RSRC1: variants seen among roughly 807,000 people sequenced by gnomAD.
RSRC1 encodes serine/Arginine-related protein 53.
A neutral mutation model predicts 49.1 loss-of-function variants in RSRC1; 39 were observed. That is an observed-to-expected ratio of 0.79 (90% CI 0.61 to 1.04). The LOEUF (loss-of-function observed/expected upper bound fraction) is 1.04, where lower values mean the gene tolerates loss of function less well. Among genes scored for constraint, RSRC1 ranks in the 50% least tolerant of loss-of-function variants. RSRC1 has a pLI of 0.00. For missense variants in RSRC1, 388 were observed against 402.4 expected (o/e 0.96, Z 0.31); for synonymous variants, 143 against 130.8 (o/e 1.09, Z -0.63).
At chr3:158,333,310 T>A (rs1223342836) in intron 5 of RSRC1, among the ~76,000 whole-genome samples, 1 of 152,202 alleles carries the variant, frequency 6.6e-6, no homozygotes, top group Non-Finnish European at 1.5e-5. Context: ...AATTCTAGAA[T>A]GCAGTTCTTC....
chr3:158,229,326 A>ATATAT (rs1722792803), intron 4 of RSRC1, among the ~76,000 whole-genome samples: 1 of 63,088 alleles, frequency 1.6e-5, no homozygotes, highest in African/African-American at 5.1e-5. Context: ...AAACATACAC[A>ATATAT]GGTATATGTG....
chr3:158,428,368 A>C (rs549401538), intron 6 of RSRC1, among the ~76,000 whole-genome samples: 1 of 151,782 alleles, frequency 6.6e-6, no homozygotes, highest in Non-Finnish European at 1.5e-5. Context: ...TGAGGGCACT[A>C]CTCTTAGGAA....
intron 4 of RSRC1, among the ~76,000 whole-genome samples, chr3:158,261,706 A>G (rs1724904601): frequency 6.6e-6 from 1 of 152,188 alleles, no homozygotes; most frequent in African/African-American, 2.4e-5. Flanking sequence ...CATGAACCCT[A>G]TTGTGAACTA....
At chr3:158,131,020 A>T (rs886528065) in intron 3 of RSRC1, among the ~76,000 whole-genome samples, 1 of 152,136 alleles carries the variant, frequency 6.6e-6, no homozygotes, top group African/African-American at 2.4e-5. Flanking sequence ...ATCTACTTCT[A>T]TGCTGAAGAA....
intron 7 of RSRC1, among the ~76,000 whole-genome samples, chr3:158,465,045 G>A (rs1737811550): frequency 6.6e-6 from 1 of 152,110 alleles, no homozygotes; most frequent in Non-Finnish European, 1.5e-5. Flanking sequence ...GTTGCTTACT[G>A]TAAAGTTTTC....
chr3:158,330,205 G>A (rs1729465327), intron 5 of RSRC1, among the ~76,000 whole-genome samples: 1 of 152,172 alleles, frequency 6.6e-6, no homozygotes, highest in African/African-American at 2.4e-5. Flanking sequence ...GCCTCGCCCT[G>A]CTTCAGCTCA....
At chr3:158,476,471 C>T (rs1738373598) in intron 7 of RSRC1, among the ~76,000 whole-genome samples, 1 of 152,122 alleles carries the variant, frequency 6.6e-6, no homozygotes, top group Non-Finnish European at 1.5e-5. Context: ...GGGGCTAATG[C>T]AGCTGGTGAC....
chr3:158,385,269 G>A (rs1732912245), intron 6 of RSRC1, among the ~76,000 whole-genome samples: 2 of 152,120 alleles, frequency 1.3e-5, no homozygotes, highest in Admixed American at 6.5e-5. Flanking sequence ...CCGTCCTAGT[G>A]TAGGTAGGAG....
intron 6 of RSRC1, among the ~76,000 whole-genome samples, chr3:158,444,684 T>C (rs148516809): frequency 0.017 from 2,621 of 152,232 alleles, 63 homozygotes; most frequent in African/African-American, 0.06. Context: ...AAAGAGCTTC[T>C]ACACAGCAAA....
chr3:158,336,435 C>T (rs1295864179), intron 5 of RSRC1: 1 of 155,242 alleles, frequency 6.4e-6, no homozygotes, highest in Non-Finnish European at 1.4e-5. Context: ...TCTTTGACCC[C>T]CAGCTCCAGA....
At chr3:158,206,652 G>A (rs1213560312) in intron 4 of RSRC1, among the ~76,000 whole-genome samples, 1 of 152,106 alleles carries the variant, frequency 6.6e-6, no homozygotes, top group Non-Finnish European at 1.5e-5. Context: ...GGTGGCTCAC[G>A]CCTGTAATCT....
chr3:158,217,666 G>A (rs1359007981), intron 4 of RSRC1, among the ~76,000 whole-genome samples: 2 of 150,956 alleles, frequency 1.3e-5, no homozygotes, highest in Non-Finnish European at 3.0e-5. Flanking sequence ...TTCATCAAAT[G>A]CCAGGCACTG....
intron 7 of RSRC1, among the ~76,000 whole-genome samples, chr3:158,487,974 A>AAAAAAAAAAGG (rs71144458): frequency 1.3e-5 from 2 of 148,742 alleles, no homozygotes; most frequent in Non-Finnish European, 3.0e-5. Flanking sequence ...AAAAAAAAAA[A>AAAAAAAAAAGG]CTGGCTGAAT....
intron 4 of RSRC1, among the ~76,000 whole-genome samples, chr3:158,268,347 A>T (rs760228500): frequency 3.3e-5 from 5 of 152,234 alleles, no homozygotes; most frequent in Non-Finnish European, 7.4e-5. Flanking sequence ...TCCCCTGAGT[A>T]TGTGTAATTT....
At chr3:158,157,331 T>C (rs12108109) in intron 3 of RSRC1, among the ~76,000 whole-genome samples, 2,031 of 152,308 alleles carry the variant, frequency 0.013, 58 homozygotes, top group African/African-American at 0.046. Context: ...TTAGAATCAT[T>C]ATTTCCTGAT....
intron 7 of RSRC1, among the ~76,000 whole-genome samples, chr3:158,495,143 T>C (rs1048508386): frequency 3.9e-5 from 6 of 152,202 alleles, no homozygotes; most frequent in African/African-American, 7.2e-5. Flanking sequence ...ACCCCAGTAT[T>C]ATAATCTTGT....
intron 4 of RSRC1, among the ~76,000 whole-genome samples, chr3:158,266,455 T>G (rs985428578): frequency 6.6e-6 from 1 of 152,188 alleles, no homozygotes; most frequent in African/African-American, 2.4e-5. Context: ...AAAGTATGCT[T>G]TGTAAGACAG....
chr3:158,188,373 TC>T (rs1184387489), intron 3 of RSRC1, among the ~76,000 whole-genome samples: 1 of 151,944 alleles, frequency 6.6e-6, no homozygotes, highest in Non-Finnish European at 1.5e-5. Flanking sequence ...CCATCCAACT[TC>T]CTTCTCTTTG....
At position 158,544,177 on chromosome 3, in the gene RSRC1, T is replaced by C. The variant is rs987228633; in HGVS notation, c.913-6T>C. 2 of 1,599,578 alleles carry C rather than the reference T, an allele frequency of 1.3e-6. No individual in the cohort carries two copies. Among genetic ancestry groups the C allele is most frequent in the Admixed American group, 1.7e-5 (1 of 59,508 alleles). On this transcript the variant is annotated splice_polypyrimidine_tract_variant and splice_region_variant and intron_variant, in intron 9 of 9. Transcript: ENST00000611884. ...AACATTTTTTCTTTTTCTTTTCTTA[T>C]TTCAGTTATTTATCGAGAAAGCTGA...
Sources: allele counts gnomAD v4.1 joint callset (sites outside exome capture counted in the v4.1 genomes callset), GRCh38; gene constraint gnomAD v4.1.1; transcripts MANE v1.5; gene names NCBI Gene and HGNC (gene_info 2026-07-23, HGNC 2026-07-21).